TCF7L1: variants seen among roughly 807,000 people sequenced by gnomAD.
TCF7L1 encodes the protein transcription factor 7-like 1.
In TCF7L1, 18 loss-of-function variants were observed where a neutral mutation model predicts 63.7. The ratio of observed to expected loss-of-function variants is 0.28; its 90% CI spans 0.20 to 0.42. TCF7L1 has a LOEUF of 0.42. Ranked by LOEUF, TCF7L1 falls within the 10% of genes least tolerant of loss-of-function variation. The pLI, the probability that TCF7L1 is intolerant of heterozygous loss-of-function variation, is 1.00. For synonymous variants in TCF7L1, 355 were observed against 340.9 expected (o/e 1.04, Z -0.46); for missense variants, 654 against 779.3 (o/e 0.84, Z 1.91).
intron 3 of TCF7L1, among the ~76,000 whole-genome samples, chr2:85,138,153 C>T (rs568246506): frequency 2.6e-5 from 4 of 152,248 alleles, no homozygotes; most frequent in South Asian, 4.1e-4. Context: ...GAACCTCTTT[C>T]GTTCAGCACA....
Position 85,176,868 on chromosome 2 carries a change from T to C in TCF7L1, c.441+42418T>C, listed in dbSNP as rs892513061. ...CTGGTGTGGTGGCAGGCACCTGTAATCCAAGCTACTCAGGAGGCTGAGGCA... is the reference window on the plus strand; with the variant it reads ...CTGGTGTGGTGGCAGGCACCTGTAACCCAAGCTACTCAGGAGGCTGAGGCA... On this transcript the variant is annotated intron_variant, in intron 3 of 11. Coordinates refer to ENST00000282111, the MANE Select transcript of TCF7L1 (RefSeq NM_031283.3). Among the ~76,000 whole-genome samples, 3 of 150,522 alleles carry C rather than the reference T, an allele frequency of 2.0e-5. No homozygotes were observed. In the Admixed American group the frequency reaches 2.0e-4, roughly 10 times the overall value.
chr2:85,305,150 C>G, intron 7 of TCF7L1, 110 bp from the exon 8 acceptor site: 1 of 1,448,424 alleles, frequency 6.9e-7, no homozygotes. Context: ...GAGACTCTGC[C>G]CCACGGACAT....
intron 3 of TCF7L1, among the ~76,000 whole-genome samples, chr2:85,169,063 A>G (rs1574088392): frequency 6.6e-6 from 1 of 152,152 alleles, no homozygotes; most frequent in East Asian, 1.9e-4. Context: ...TCTTCCAAAA[A>G]ACACCATCAT....
At chr2:85,233,385 G>A (rs1017701892) in intron 3 of TCF7L1, among the ~76,000 whole-genome samples, 3 of 150,058 alleles carry the variant, frequency 2.0e-5, no homozygotes, top group African/African-American at 7.4e-5. Context: ...GCGTGATTTC[G>A]GTTCACTGCA....
chr2:85,253,084 C>T (rs1281964445), intron 3 of TCF7L1, among the ~76,000 whole-genome samples: 3 of 152,120 alleles, frequency 2.0e-5, no homozygotes, highest in Admixed American at 2.0e-4. Flanking sequence ...GATGTGTAAA[C>T]AGTGCAATAA....
intron 3 of TCF7L1, among the ~76,000 whole-genome samples, chr2:85,161,570 G>A (rs1304542810): frequency 6.6e-6 from 1 of 152,246 alleles, no homozygotes; most frequent in African/African-American, 2.4e-5. Context: ...GCTGTTGGCA[G>A]AGGATGAACT....
chr2:85,191,916 G>C (rs1304308774), intron 3 of TCF7L1, among the ~76,000 whole-genome samples: 1 of 152,108 alleles, frequency 6.6e-6, no homozygotes. Flanking sequence ...CAAGTCCCTA[G>C]GATAAAGCTT....
At position 85,134,433 on chromosome 2, in the gene TCF7L1, C is replaced by A; in HGVS notation, c.424C>A (p.Pro142Thr). 6.4e-7 allele frequency: 1 copy of A among 1,557,562 alleles called. No individual in the cohort carries two copies. The highest frequency in any genetic ancestry group is 8.7e-7 in the Non-Finnish European group (1 of 1,150,488). Residue 142 changes from proline to threonine, a missense_variant, in exon 3 of 12, where the codon CCC (proline) becomes ACC (threonine). Transcript: ENST00000282111. The surrounding 1 kb of genome is among the most constrained non-coding windows in gnomAD (Gnocchi z 5.0). ...GTACCTCTCCAACGGACCCCTGTCT[C>A]CCGGAGGAGCGCGCACCGTGAGTGC... ...SPYLSNGPLS[P>T]GGARTYLQMK...
intron 3 of TCF7L1, among the ~76,000 whole-genome samples, chr2:85,188,262 TACAC>T (rs145628618): frequency 3.3e-5 from 5 of 151,548 alleles, no homozygotes; most frequent in East Asian, 1.9e-4. Flanking sequence ...GGGCTACACA[TACAC>T]ACACACACAC....
At chr2:85,264,114 A>G (rs565469538) in intron 3 of TCF7L1, among the ~76,000 whole-genome samples, 2 of 152,184 alleles carry the variant, frequency 1.3e-5, no homozygotes, top group Non-Finnish European at 2.9e-5. Flanking sequence ...GGCCCATCCA[A>G]CTGTGGGTCT....
chr2:85,242,995 T>C (rs187609262), intron 3 of TCF7L1, among the ~76,000 whole-genome samples: 114 of 152,284 alleles, frequency 7.5e-4, no homozygotes, highest in Non-Finnish European at 9.9e-4. Flanking sequence ...CGCACCGACA[T>C]CTTGGCACAT....
chr2:85,214,898 C>T (rs1306016700), intron 3 of TCF7L1, among the ~76,000 whole-genome samples: 4 of 152,130 alleles, frequency 2.6e-5, no homozygotes, highest in Non-Finnish European at 4.4e-5. Context: ...TAGCTTTTAC[C>T]ATATTTGGAG....
At chr2:85,296,862 AG>A (rs1203386284) in intron 4 of TCF7L1, among the ~76,000 whole-genome samples, 5 of 152,258 alleles carry the variant, frequency 3.3e-5, no homozygotes, top group Admixed American at 2.0e-4. Context: ...TCTAAAGAAG[AG>A]ACCAAACTGA....
At chr2:85,223,560 C>T (rs1411335670) in intron 3 of TCF7L1, among the ~76,000 whole-genome samples, 1 of 151,920 alleles carries the variant, frequency 6.6e-6, no homozygotes, top group African/African-American at 2.4e-5. Flanking sequence ...GTCTGCTTCC[C>T]CAGGTGGAGC....
chr2:85,137,270 G>A (rs1291949217), intron 3 of TCF7L1, among the ~76,000 whole-genome samples: 1 of 152,194 alleles, frequency 6.6e-6, no homozygotes, highest in African/African-American at 2.4e-5. Context: ...AATTCCTGCT[G>A]AGACCACTGG....
chr2:85,306,865 T>C lies in TCF7L1; in HGVS notation c.1257+306T>C, dbSNP rs1418297377. Among the ~76,000 whole-genome samples, 1 of 149,794 alleles carries C rather than the reference T, an allele frequency of 6.7e-6. No individual in the cohort carries two copies. Among genetic ancestry groups the C allele is most frequent in the Admixed American group, 6.6e-5 (1 of 15,208 alleles). ...ATTTTTAGTAGAGACGGGGTTTCAC[T>C]GTGTTAACCAGGATGGTCTCGAGCT... On this transcript the variant is annotated intron_variant, in intron 10 of 11. Transcript: ENST00000282111. This position sits in a 1 kb window ranked among gnomAD's most constrained non-coding sequence, Gnocchi z 4.3.
At position 85,305,409 on chromosome 2, in the gene TCF7L1, T is replaced by C. The variant is rs778146231; in HGVS notation, c.989+6T>C. 5.0e-6 allele frequency: 8 copies of C among 1,602,042 alleles called. No individual in the cohort carries two copies. The Middle Eastern group carries it at 5.0e-4, about 101-fold the overall frequency. ...CTGAGCCCTGCAGTGAGCGTGTAAG[T>C]AAGCGGCAGCCTGGATTCAGGTGGG... On this transcript the variant is annotated splice_donor_region_variant and intron_variant, in intron 8 of 11. Coordinates refer to ENST00000282111, the MANE Select transcript of TCF7L1 (RefSeq NM_031283.3).
At chr2:85,236,619 C>A (rs1393201172) in intron 3 of TCF7L1, among the ~76,000 whole-genome samples, 1 of 152,066 alleles carries the variant, frequency 6.6e-6, no homozygotes, top group African/African-American at 2.4e-5. Flanking sequence ...CAGGTAATTT[C>A]TTGGAAAGAG....
chr2:85,238,094 G>A (rs1445945746), intron 3 of TCF7L1, among the ~76,000 whole-genome samples: 1 of 151,124 alleles, frequency 6.6e-6, no homozygotes, highest in African/African-American at 2.5e-5. Context: ...GGTTCCTGCT[G>A]TATACCCAGA....
Sources: gnomAD v4.1 joint callset for allele counts (sites outside exome capture counted in the v4.1 genomes callset) on GRCh38, gnomAD v4.1.1 for gene constraint, Gnocchi (gnomAD v3.1) non-coding constraint, MANE v1.5 for transcripts, NCBI Gene and HGNC (gene_info 2026-07-23, HGNC 2026-07-21) for gene names.